CLOCK: variants seen among roughly 807,000 people sequenced by gnomAD.
CLOCK encodes circadian locomoter output cycles protein kaput.
In CLOCK, 43 loss-of-function variants were observed where a neutral mutation model predicts 118.4. The observed-to-expected ratio is 0.36, with a 90% CI of 0.28 to 0.47. CLOCK has a LOEUF of 0.47. CLOCK is among the 20% of genes least tolerant of loss of function. The pLI is 1.00. For missense variants in CLOCK, 846 were observed against 999.9 expected (o/e 0.85, Z 2.08); for synonymous variants, 326 against 339.2 (o/e 0.96, Z 0.43).
rs781397166 is a variant in CLOCK, at chr4:55,458,944, T to G, written c.740A>C (p.Asp247Ala). The part of the protein sequence containing the change: ...IQRTHRPSYE[D>A]RVCFVATVRL... ...GACAGTAGCTACAAAACAAACTCTA[T>G]CTTCATAAGATGGCCTATGTGTGCG... The change falls in exon 11 of 23, where the codon GAT (aspartate) becomes GCT (alanine). Residue 247 changes from aspartate to alanine, a missense_variant. Physicochemically the swap from Asp to Ala is moderately radical, Grantham distance 126. This residue lies in a region of CLOCK where 246 missense variants were observed against 300.2 expected (regional missense o/e 0.82). Coordinates refer to ENST00000513440, the MANE Select transcript of CLOCK (RefSeq NM_004898.4). The G allele has an allele frequency of 1.9e-6, 3 of 1,613,950 alleles. No individual in the cohort carries two copies. In the Admixed American group the frequency reaches 5.0e-5, roughly 27 times the overall value.
At chr4:55,516,927 A>G (rs560620808) in intron 1 of CLOCK, among the ~76,000 whole-genome samples, 66 of 152,194 alleles carry the variant, frequency 4.3e-4, no homozygotes, top group Non-Finnish European at 8.4e-4. Flanking sequence ...AAATAACACT[A>G]AACCACTTTA....
chr4:55,540,061 G>A (rs1284107715), intron 1 of CLOCK, among the ~76,000 whole-genome samples: 1 of 148,440 alleles, frequency 6.7e-6, no homozygotes, highest in Non-Finnish European at 1.5e-5. Context: ...AGGCTGGAGT[G>A]CAATGGCGTG....
At position 55,435,200 on chromosome 4, in the gene CLOCK, C is replaced by G; in HGVS notation, c.*215G>C. On this transcript the variant is annotated 3_prime_UTR_variant, in exon 23 of 23. Transcript: ENST00000513440. ...GCACCTAAAACACTGTCAGAACTGG[C>G]TATGCCCCTATGATCACCTCCTGCT... 1 of 586,068 alleles carries G rather than the reference C, an allele frequency of 1.7e-6. No individual in the cohort carries two copies. Among genetic ancestry groups the G allele is most frequent in the Non-Finnish European group, 3.1e-6 (1 of 327,280 alleles). The allele number at this position is 586,068 out of a possible 1,614,324, so 36.3% of individuals were successfully genotyped here.
chr4:55,466,139 T>A (rs538533863), intron 8 of CLOCK, among the ~76,000 whole-genome samples: 27 of 152,264 alleles, frequency 1.8e-4, no homozygotes, highest in Non-Finnish European at 3.1e-4. Context: ...TGGGAGGGGC[T>A]GAGTGGGAGG....
chr4:55,437,950 C>T (rs968112712), intron 22 of CLOCK, among the ~76,000 whole-genome samples: 11 of 152,074 alleles, frequency 7.2e-5, no homozygotes, highest in Non-Finnish European at 1.5e-4. Context: ...TTATGGTTGG[C>T]TAGAAAAAGG....
chr4:55,532,102 A>C (rs1044472706), intron 1 of CLOCK, among the ~76,000 whole-genome samples: 3 of 152,156 alleles, frequency 2.0e-5, no homozygotes, highest in Non-Finnish European at 4.4e-5. Flanking sequence ...GAACAAATGC[A>C]TTTGACAAAA....
intron 2 of CLOCK, among the ~76,000 whole-genome samples, chr4:55,498,082 TAG>T (rs75938891): frequency 0.25 from 37,360 of 151,938 alleles, 4,903 homozygotes; most frequent in South Asian, 0.37. Context: ...TTGACAATGC[TAG>T]GTTTAGAGCT....
At chr4:55,488,809 C>T (rs1311735002) in intron 3 of CLOCK, among the ~76,000 whole-genome samples, 1 of 152,140 alleles carries the variant, frequency 6.6e-6, no homozygotes, top group Non-Finnish European at 1.5e-5. Flanking sequence ...AATCACAGCT[C>T]ACTGTAGCGT....
At chr4:55,489,992 A>C (rs1179972918) in intron 2 of CLOCK, among the ~76,000 whole-genome samples, 1 of 152,116 alleles carries the variant, frequency 6.6e-6, no homozygotes, top group East Asian at 1.9e-4. Flanking sequence ...GAGGGACAAC[A>C]GCACTACAAG....
chr4:55,478,278 T>C (rs1243105659), intron 6 of CLOCK, among the ~76,000 whole-genome samples: 1 of 152,134 alleles, frequency 6.6e-6, no homozygotes, highest in Non-Finnish European at 1.5e-5. Context: ...TAGATATACA[T>C]TGAAACCTTT....
intron 1 of CLOCK, among the ~76,000 whole-genome samples, chr4:55,543,588 C>T (rs900449040): frequency 3.3e-5 from 5 of 152,086 alleles, no homozygotes; most frequent in African/African-American, 9.7e-5. Flanking sequence ...AAGGGGTTGT[C>T]ACTTATTATA....
chr4:55,455,781 C>CATATTTCAA (rs1241634077), intron 13 of CLOCK, 116 bp downstream of exon 13: 1 of 793,968 alleles, frequency 1.3e-6, no homozygotes, highest in Non-Finnish European at 2.2e-6. Context: ...AATCTTTTAG[C>CATATTTCAA]ATATTTCAAA....
intron 1 of CLOCK, among the ~76,000 whole-genome samples, chr4:55,518,493 A>G (rs904215504): frequency 1.3e-5 from 2 of 152,264 alleles, no homozygotes; most frequent in Non-Finnish European, 2.9e-5. Context: ...TCAAAGAACT[A>G]TATCAGTGCT....
intron 3 of CLOCK, among the ~76,000 whole-genome samples, chr4:55,484,322 C>G (rs1727141638): frequency 6.6e-6 from 1 of 152,074 alleles, no homozygotes; most frequent in Admixed American, 6.6e-5. Flanking sequence ...TCCTGAGTAG[C>G]TGGGATTACA....
rs1722306373 is a variant in CLOCK at position 55,427,993 on chromosome 4, T to TGCAGG, written c.*7421_*7422insCCTGC. The TGCAGG allele has an allele frequency of 1.3e-5, 2 of 152,368 alleles. No homozygotes were observed. The highest frequency in any genetic ancestry group is 1.3e-4 in the Admixed American group (2 of 15,302). 9.4% of individuals were successfully genotyped at this position (152,368 alleles called of 1,614,324 possible). On this transcript the variant is annotated 3_prime_UTR_variant, in exon 23 of 23. Coordinates refer to ENST00000513440, the MANE Select transcript of CLOCK (RefSeq NM_004898.4). The stretch of plus-strand genomic sequence containing the variant: ...ATGTGCCACATGAAGCAGGTGTTAT[T>TGCAGG]TTTTGAGAAATGCAGGTGATAACTG...
At chr4:55,525,718 C>A (rs1414919229) in intron 1 of CLOCK, among the ~76,000 whole-genome samples, 1 of 152,098 alleles carries the variant, frequency 6.6e-6, no homozygotes, top group African/African-American at 2.4e-5. Context: ...GATCCACCCG[C>A]CTCGGCCTCC....
chr4:55,474,619 CTT>C (rs949670154), intron 7 of CLOCK, among the ~76,000 whole-genome samples: 10 of 152,322 alleles, frequency 6.6e-5, no homozygotes, highest in African/African-American at 1.7e-4. Flanking sequence ...AGCTAACTCT[CTT>C]GTCAGGGGCA....
At chr4:55,473,965 G>C (rs1357806000) in intron 7 of CLOCK, among the ~76,000 whole-genome samples, 1 of 151,976 alleles carries the variant, frequency 6.6e-6, no homozygotes, top group African/African-American at 2.4e-5. Flanking sequence ...ACTGAAATTA[G>C]GCCAATTAAT....
chr4:55,526,828 TC>T (rs1438509330), intron 1 of CLOCK, among the ~76,000 whole-genome samples: 5 of 151,154 alleles, frequency 3.3e-5, no homozygotes, highest in Non-Finnish European at 7.4e-5. Flanking sequence ...GCACCTGTAG[TC>T]CCAGCTACTC....
Sources: allele counts gnomAD v4.1 joint callset (sites outside exome capture counted in the v4.1 genomes callset), GRCh38; gene constraint gnomAD v4.1.1; regional missense constraint gnomAD v4.1.1; transcripts MANE v1.5; gene names NCBI Gene and HGNC (gene_info 2026-07-23, HGNC 2026-07-21).